ARSB: variants seen among roughly 807,000 people sequenced by gnomAD.
ARSB encodes N-acetylgalactosamine-4-sulfatase.
In ARSB, 41 loss-of-function variants were observed where a neutral mutation model predicts 50.9. That is an observed-to-expected ratio of 0.81 (90% CI 0.63 to 1.04). The LOEUF (loss-of-function observed/expected upper bound fraction) is 1.04. Ranked by LOEUF, ARSB falls within the 50% of genes least tolerant of loss-of-function variation. ARSB has a pLI of 0.00. For missense variants in ARSB, 672 were observed against 693.3 expected (o/e 0.97, Z 0.35); for synonymous variants, 269 against 284.8 (o/e 0.94, Z 0.56).
rs768746708 is a variant in ARSB, at chr5:78,839,473, G to T, written c.1143-47C>A. 37 of 1,503,526 alleles carry T rather than the reference G, an allele frequency of 2.5e-5. No individual in the cohort carries two copies. In the East Asian group the frequency reaches 7.7e-4, roughly 31 times the overall value. The allele number at this position is 1,503,526 out of a possible 1,614,324, so 93.1% of individuals were successfully genotyped here. A position where few individuals can be genotyped will look rare whatever the true frequency, so the allele number is the denominator to read the frequency against. ...AATGTTAATTTCCTCTCTCTAATGG[G>T]CATGAATTATTTTAATACTTCCCTT... is the stretch of plus-strand genomic sequence containing the variant. On this transcript the variant is annotated intron_variant, in intron 5 of 7. Coordinates refer to ENST00000264914, the MANE Select transcript of ARSB (RefSeq NM_000046.5).
chr5:78,923,846 T>G (rs1470061305), intron 4 of ARSB, among the ~76,000 whole-genome samples: 1 of 152,102 alleles, frequency 6.6e-6, no homozygotes, highest in Non-Finnish European at 1.5e-5. Context: ...GAGTCTACAG[T>G]TTTCTCTGCT....
Position 78,834,617 on chromosome 5 carries a change from A to G in ARSB, c.1213+4739T>C, listed in dbSNP as rs906553470. On this transcript the variant is annotated intron_variant, in intron 6 of 7. Transcript: ENST00000264914. ...ATGGTATATATATGTGTATATATAT[A>G]TATATATATATATATATATATATAT... Among the ~76,000 whole-genome samples the G allele has an allele frequency of 3.1e-3, 386 of 124,178 alleles. 3 individuals are homozygous for G. Among genetic ancestry groups the G allele is most frequent in the Admixed American group, 4.8e-3 (63 of 13,238 alleles). The allele number at this position is 124,178 out of a possible 152,430, so 81.5% of individuals were successfully genotyped here.
upstream of ARSB, chr5:78,985,399 C>T: frequency 1.4e-6 from 1 of 694,910 alleles, no homozygotes; most frequent in Non-Finnish European, 2.0e-6. Flanking sequence ...GCGCTCGGCC[C>T]CCGCCGCCTC....
rs576301669 is a variant in ARSB at position 78,873,706 on chromosome 5, G to A, written c.1142+11878C>T. Among the ~76,000 whole-genome samples, 308 of 151,196 alleles carry A rather than the reference G, an allele frequency of 2.0e-3. 2 individuals carry two copies. The highest frequency in any genetic ancestry group is 6.6e-3 in the African/African-American group (274 of 41,228). ...GAGACGGGGTTTCACCGTTTTAGCC[G>A]GGATGGTCTCGATCTCCTGACCTTG... On this transcript the variant is annotated intron_variant, in intron 5 of 7. Transcript: ENST00000264914.
intron 4 of ARSB, among the ~76,000 whole-genome samples, chr5:78,886,710 A>G (rs1444111640): frequency 6.6e-6 from 1 of 152,196 alleles, no homozygotes; most frequent in Non-Finnish European, 1.5e-5. Context: ...CAAAGTATCC[A>G]CAGATTTAGG....
intron 4 of ARSB, among the ~76,000 whole-genome samples, chr5:78,950,336 A>G (rs760771245): frequency 4.6e-4 from 70 of 152,328 alleles, no homozygotes; most frequent in Middle Eastern, 3.4e-3. Context: ...GGCTGAGGAA[A>G]TAAGAACTGG....
chr5:78,965,514 T>G (rs556121518), intron 2 of ARSB, among the ~76,000 whole-genome samples: 1 of 152,096 alleles, frequency 6.6e-6, no homozygotes. Context: ...GTTTCTTTTT[T>G]GGGGATGATA....
At chr5:78,894,006 G>A (rs1427058142) in intron 4 of ARSB, among the ~76,000 whole-genome samples, 1 of 152,050 alleles carries the variant, frequency 6.6e-6, no homozygotes, top group South Asian at 2.1e-4. Flanking sequence ...ACATTATTTG[G>A]CTCCCCTTTC....
intron 4 of ARSB, among the ~76,000 whole-genome samples, chr5:78,917,468 CAATT>C (rs1212661321): frequency 6.6e-6 from 1 of 151,932 alleles, no homozygotes; most frequent in East Asian, 1.9e-4. Context: ...GCATTTTTCT[CAATT>C]AAATCACTGG....
chr5:78,828,601 C>T (rs1744539207), intron 6 of ARSB, among the ~76,000 whole-genome samples: 1 of 152,194 alleles, frequency 6.6e-6, no homozygotes, highest in East Asian at 1.9e-4. Flanking sequence ...AACGTCTCTA[C>T]CACCATAGCT....
At chr5:78,789,010 A>G (rs1246639614) in intron 6 of ARSB, among the ~76,000 whole-genome samples, 1 of 152,156 alleles carries the variant, frequency 6.6e-6, no homozygotes, top group Non-Finnish European at 1.5e-5. Context: ...CAATGGGTTC[A>G]CCAAAAAGGG....
chr5:78,936,156 A>C (rs1460620595), intron 4 of ARSB, among the ~76,000 whole-genome samples: 41 of 98,716 alleles, frequency 4.2e-4, no homozygotes, highest in Admixed American at 5.1e-4. Context: ...GTGGATTCTC[A>C]CTCTATTGCC....
At chr5:78,848,830 G>A (rs2112030717) in intron 5 of ARSB, among the ~76,000 whole-genome samples, 1 of 152,310 alleles carries the variant, frequency 6.6e-6, no homozygotes, top group Middle Eastern at 3.4e-3. Context: ...GTAATGATGA[G>A]CATTTTTTCA....
intron 5 of ARSB, among the ~76,000 whole-genome samples, chr5:78,852,661 T>C (rs1745881642): frequency 6.6e-6 from 1 of 152,200 alleles, no homozygotes; most frequent in African/African-American, 2.4e-5. Context: ...TTTTCCAACT[T>C]GCTTCCATTC....
chr5:78,851,270 C>T (rs576457321), intron 5 of ARSB, among the ~76,000 whole-genome samples: 61 of 152,280 alleles, frequency 4.0e-4, no homozygotes, highest in African/African-American at 1.3e-3. Flanking sequence ...TCTTTGTTCT[C>T]GCTGGTTTCA....
At chr5:78,787,361 T>G (rs1035457116) in intron 6 of ARSB, among the ~76,000 whole-genome samples, 4 of 150,766 alleles carry the variant, frequency 2.7e-5, no homozygotes, top group African/African-American at 7.3e-5. Flanking sequence ...CAAGATTGCT[T>G]TGGCCGCACT....
At chr5:78,823,619 TC>T (rs1355628377) in intron 6 of ARSB, among the ~76,000 whole-genome samples, 7 of 152,184 alleles carry the variant, frequency 4.6e-5, no homozygotes, top group African/African-American at 1.7e-4. Flanking sequence ...GATACTGAGC[TC>T]CTTGCCATTT....
chr5:78,826,519 G>A (rs904917661), intron 6 of ARSB, among the ~76,000 whole-genome samples: 6 of 152,150 alleles, frequency 3.9e-5, no homozygotes, highest in Admixed American at 3.3e-4. Flanking sequence ...AAAATAATAT[G>A]TGCTCTAAAG....
intron 2 of ARSB, 77 bp from the exon 3 acceptor site, chr5:78,964,683 C>T: frequency 7.2e-7 from 1 of 1,380,366 alleles, no homozygotes; most frequent in Non-Finnish European, 1.0e-6. Context: ...CATTTAATTG[C>T]CTAATGCAAT....
Sources: gnomAD v4.1 joint callset for allele counts (sites outside exome capture counted in the v4.1 genomes callset) on GRCh38, gnomAD v4.1.1 for gene constraint, MANE v1.5 for transcripts, NCBI Gene and HGNC (gene_info 2026-07-23, HGNC 2026-07-21) for gene names.